ROBO2: variants seen among roughly 807,000 people sequenced by gnomAD.
The protein encoded by ROBO2 is roundabout guidance receptor 2.
A neutral mutation model predicts 160.8 loss-of-function variants in ROBO2; 53 were observed. The observed-to-expected ratio is 0.33, with a 90% CI of 0.26 to 0.41. The LOEUF (loss-of-function observed/expected upper bound fraction) is 0.41, where lower values mean the gene tolerates loss of function less well. ROBO2 is among the 10% of genes least tolerant of loss of function. The probability of loss-of-function intolerance (pLI) is 1.00; values close to 1 mark genes in which losing one functional copy is unlikely to be tolerated. For synonymous variants in ROBO2, 664 were observed against 611.7 expected, an observed-to-expected ratio of 1.09 and a Z score of -1.26; for missense variants, 1,577 against 1,722.4, an observed-to-expected ratio of 0.92 and a Z score of 1.49.
At chr3:77,063,436 G>A (rs991451721) in intron 1 of ROBO2, among the ~76,000 whole-genome samples, 1 of 152,136 alleles carries the variant, frequency 6.6e-6, no homozygotes, top group African/African-American at 2.4e-5. Context: ...GAGATAATTA[G>A]GAGTTTCACC....
At chr3:76,309,110 A>C (rs976937967) in intron 2 of ROBO2, among the ~76,000 whole-genome samples, 3 of 152,146 alleles carry the variant, frequency 2.0e-5, no homozygotes, top group East Asian at 1.9e-4. Flanking sequence ...GGATGGAGCC[A>C]GCGGAAAGTA....
intron 2 of ROBO2, among the ~76,000 whole-genome samples, chr3:76,275,371 A>G (rs935584907): frequency 6.6e-6 from 1 of 152,108 alleles, no homozygotes; most frequent in Non-Finnish European, 1.5e-5. Flanking sequence ...ACCTGCCCCA[A>G]AAGTAAGTAA....
intron 2 of ROBO2, among the ~76,000 whole-genome samples, chr3:76,457,021 G>T (rs2077797693): frequency 6.6e-6 from 1 of 152,158 alleles, no homozygotes; most frequent in African/African-American, 2.4e-5. Flanking sequence ...TACAATTCAA[G>T]ATGAGATTTG....
intron 2 of ROBO2, among the ~76,000 whole-genome samples, chr3:77,001,405 C>T (rs1337286831): frequency 6.6e-6 from 1 of 152,044 alleles, no homozygotes; most frequent in African/African-American, 2.4e-5. Flanking sequence ...ACAATTTCAT[C>T]GGTATTAAAA....
At chr3:77,360,546 T>G (rs1265486325) in intron 2 of ROBO2, among the ~76,000 whole-genome samples, 2 of 152,060 alleles carry the variant, frequency 1.3e-5, no homozygotes, top group Non-Finnish European at 2.9e-5. Flanking sequence ...ACCAATAAAT[T>G]TCTTTGTGTT....
chr3:76,547,088 C>T (rs2083150775), intron 2 of ROBO2, among the ~76,000 whole-genome samples: 1 of 151,840 alleles, frequency 6.6e-6, no homozygotes, highest in Admixed American at 6.6e-5. Flanking sequence ...AAAAATTTTC[C>T]CTTTTAATTT....
intron 1 of ROBO2, among the ~76,000 whole-genome samples, chr3:77,063,331 G>A (rs1234572393): frequency 1.3e-5 from 2 of 152,154 alleles, no homozygotes; most frequent in African/African-American, 4.8e-5. Context: ...ATTTGATAAT[G>A]TGAAGATGGT....
chr3:76,528,237 C>T lies in ROBO2; in HGVS notation c.110-569777C>T, dbSNP rs577197546. ...AGAAACTTTTGAGCAGAGGAATGAC[C>T]TAATGTCACTAGCTTTAATGGGAGC... On this transcript the variant is annotated intron_variant, in intron 2 of 26. Transcript: ENST00000487694. Among the ~76,000 whole-genome samples the T allele has an allele frequency of 2.0e-5, 3 of 152,140 alleles. No homozygotes were observed. In the South Asian group the frequency reaches 6.2e-4, roughly 32 times the overall value.
chr3:76,746,400 A>C lies in ROBO2; in HGVS notation c.110-351614A>C, dbSNP rs548037955. Among the ~76,000 whole-genome samples the C allele has an allele frequency of 3.1e-3, 468 of 152,136 alleles. 2 individuals carry two copies. The highest frequency in any genetic ancestry group is 0.01 in the African/African-American group (435 of 41,488). ...TATTTCTAGTTCTAGGTCCCTGAGG[A>C]ATCTCCACACTGACTTCCACAATGG... is the stretch of plus-strand genomic sequence containing the variant. On this transcript the variant is annotated intron_variant, in intron 2 of 26. Coordinates refer to the ROBO2 transcript ENST00000487694.
intron 16 of ROBO2, among the ~76,000 whole-genome samples, chr3:77,586,771 G>A (rs2094061256): frequency 6.6e-6 from 1 of 150,662 alleles, no homozygotes; most frequent in South Asian, 2.1e-4. Flanking sequence ...CCAGATAGGT[G>A]TATGTCTCAT....
intron 2 of ROBO2, among the ~76,000 whole-genome samples, chr3:77,139,735 G>C (rs1163470669): frequency 6.6e-6 from 1 of 152,122 alleles, no homozygotes; most frequent in Non-Finnish European, 1.5e-5. Context: ...CTGCACTCAG[G>C]CTTTAAAAAG....
At position 76,403,121 on chromosome 3, in the gene ROBO2, C is replaced by A. The variant is rs192231532; in HGVS notation, c.109+465519C>A. On this transcript the variant is annotated intron_variant, in intron 2 of 26. Transcript: ENST00000487694. ...AACTGGAATATAGTTAAGTTAATTC[C>A]CTTGGCATAAACCTCTGTGGGGGGC... is the stretch of plus-strand genomic sequence containing the variant. Among the ~76,000 whole-genome samples, 27 of 151,556 alleles carry A rather than the reference C, an allele frequency of 1.8e-4. No individual in the cohort carries two copies. In the East Asian group the frequency reaches 4.8e-3, roughly 27 times the overall value.
rs1415158765 is a variant in ROBO2, at chr3:75,937,581, CA to C, written c.89del (p.Gln30ArgfsTer37). ...GATGACTGTGGTGTTTTGGGGTCAT[CA>C]GGGGAATGGACAAGGCCAAGGTAAG... is the stretch of plus-strand genomic sequence containing the variant. On this transcript the variant is annotated frameshift_variant, in exon 2 of 27. Coordinates refer to the ROBO2 transcript ENST00000487694. LOFTEE classifies it high-confidence loss of function. 6.4e-7 allele frequency: 1 copy of C among 1,560,558 alleles called. No individual in the cohort carries two copies.
In ROBO2 at chr3:76,916,443, G is replaced by A. The variant is rs549832150; in HGVS notation, c.110-181571G>A. Among the ~76,000 whole-genome samples, 4 of 152,078 alleles carry A rather than the reference G, an allele frequency of 2.6e-5. No homozygotes were observed. In the South Asian group the frequency reaches 6.2e-4, roughly 24 times the overall value. ...TGCAGCCTTGTCCTCCCAGGCTCAG[G>A]CAATCCTCCCACTTCAGCCTCCCGA... On this transcript the variant is annotated intron_variant, in intron 2 of 26. Transcript: ENST00000487694.
At chr3:77,242,513 A>G (rs1054071176) in intron 2 of ROBO2, among the ~76,000 whole-genome samples, 1 of 152,172 alleles carries the variant, frequency 6.6e-6, no homozygotes, top group South Asian at 2.1e-4. Flanking sequence ...GTTTACTGAA[A>G]TAATTTCTTC....
intron 2 of ROBO2, among the ~76,000 whole-genome samples, chr3:77,447,409 C>G (rs2080649209): frequency 6.6e-6 from 1 of 151,864 alleles, no homozygotes; most frequent in Admixed American, 6.6e-5. Context: ...ATTATTAATT[C>G]CTGTTAAATT....
intron 2 of ROBO2, among the ~76,000 whole-genome samples, chr3:77,441,954 T>C (rs573505873): frequency 1.1e-4 from 16 of 152,308 alleles, no homozygotes; most frequent in African/African-American, 3.8e-4. Context: ...ATCTTAAATG[T>C]GTTAGGTTTA....
chr3:76,366,246 C>T (rs1336044947), intron 2 of ROBO2, among the ~76,000 whole-genome samples: 1 of 152,032 alleles, frequency 6.6e-6, no homozygotes, highest in Non-Finnish European at 1.5e-5. Flanking sequence ...TACTCCTCTT[C>T]CTAGAACCAT....
At chr3:76,611,116 T>C (rs2088083098) in intron 2 of ROBO2, among the ~76,000 whole-genome samples, 1 of 151,974 alleles carries the variant, frequency 6.6e-6, no homozygotes, top group Non-Finnish European at 1.5e-5. Context: ...AAAGGTATCA[T>C]CCACAAGGAA....
Sources: allele counts gnomAD v4.1 joint callset (sites outside exome capture counted in the v4.1 genomes callset), GRCh38; gene constraint gnomAD v4.1.1; transcripts MANE v1.5; gene names NCBI Gene and HGNC (gene_info 2026-07-23, HGNC 2026-07-21).